Variants in CNTNAP2 observed in about 807,000 individuals in gnomAD.
The protein encoded by CNTNAP2 is contactin associated protein 2.
CNTNAP2 carries 98 observed loss-of-function variants against 155.2 expected under a neutral mutation model. The ratio of observed to expected loss-of-function variants is 0.63; its 90% CI spans 0.54 to 0.75. The LOEUF is 0.75. Among genes scored for constraint, CNTNAP2 ranks in the 30% least tolerant of loss-of-function variants. The pLI is 0.00. For missense variants in CNTNAP2, 1,727 were observed against 1,688.1 expected, an observed-to-expected ratio of 1.02 and a Z score of -0.40; for synonymous variants, 651 against 631.2, an observed-to-expected ratio of 1.03 and a Z score of -0.47.
intron 11 of CNTNAP2, among the ~76,000 whole-genome samples, chr7:147,500,989 TAGC>T (rs1394280240): frequency 6.6e-6 from 1 of 151,824 alleles, no homozygotes; most frequent in Non-Finnish European, 1.5e-5. Context: ...TTCAAGAAAA[TAGC>T]AGCAAACCAA....
intron 20 of CNTNAP2, among the ~76,000 whole-genome samples, chr7:148,254,211 G>C (rs893672859): frequency 4.3e-4 from 66 of 152,178 alleles, no homozygotes; most frequent in African/African-American, 1.3e-3. Flanking sequence ...CAGACGATGT[G>C]ACATCAACGG....
chr7:146,545,358 A>ATGATACAATG, intron 1 of CNTNAP2, among the ~76,000 whole-genome samples: 1 of 151,874 alleles, frequency 6.6e-6, no homozygotes, highest in African/African-American at 2.4e-5. Flanking sequence ...TTTTTTAAAA[A>ATGATACAATG]TACTTTAAAT....
chr7:147,125,955 C>T (rs1801224829), intron 6 of CNTNAP2, among the ~76,000 whole-genome samples: 1 of 152,174 alleles, frequency 6.6e-6, no homozygotes, highest in Non-Finnish European at 1.5e-5. Context: ...CTTGCTCTTC[C>T]TCTATCCCTG....
intron 1 of CNTNAP2, among the ~76,000 whole-genome samples, chr7:146,431,286 T>G (rs1584922252): frequency 6.6e-6 from 1 of 152,122 alleles, no homozygotes; most frequent in South Asian, 2.1e-4. Context: ...CTTTGAAAAT[T>G]TATCATGCAT....
intron 1 of CNTNAP2, among the ~76,000 whole-genome samples, chr7:146,329,512 G>A (rs950963813): frequency 1.3e-5 from 2 of 152,310 alleles, no homozygotes; most frequent in African/African-American, 4.8e-5. Context: ...TCCAGCAGAA[G>A]TCTTGCATAT....
chr7:148,040,613 C>T (rs1802654522), intron 15 of CNTNAP2, among the ~76,000 whole-genome samples: 2 of 152,240 alleles, frequency 1.3e-5, no homozygotes, highest in African/African-American at 4.8e-5. Flanking sequence ...AATAGGTATG[C>T]ATGCAGTGTG....
At chr7:147,823,997 T>C (rs923118749) in intron 13 of CNTNAP2, among the ~76,000 whole-genome samples, 4 of 152,168 alleles carry the variant, frequency 2.6e-5, no homozygotes, top group African/African-American at 9.7e-5. Context: ...CTAGCAGACA[T>C]CAAGGCATTC....
intron 8 of CNTNAP2, among the ~76,000 whole-genome samples, chr7:147,285,412 T>C (rs1479720356): frequency 6.6e-6 from 1 of 151,990 alleles, no homozygotes; most frequent in African/African-American, 2.4e-5. Context: ...TTTTGAAATA[T>C]TTCAAAGAAT....
intron 1 of CNTNAP2, among the ~76,000 whole-genome samples, chr7:146,163,585 C>CTATCTATCTA (rs1354076042): frequency 2.2e-5 from 2 of 91,224 alleles, no homozygotes; most frequent in Admixed American, 2.1e-4. Context: ...ATCTATCTAT[C>CTATCTATCTA]TATATATATA....
Position 147,526,450 on chromosome 7 carries a change from G to A in CNTNAP2, c.1778-35688G>A, listed in dbSNP as rs1236844813. 9.9e-5 allele frequency among the ~76,000 whole-genome samples: 15 copies of A among 152,182 alleles called. No individual in the cohort carries two copies. The East Asian group carries it at 2.5e-3, about 25-fold the overall frequency. ...TGTCTGGAATATAGATATCAAGCTC[G>A]AGGTAAAGTTTTACTCGTGAGGATT... On this transcript the variant is annotated intron_variant, in intron 11 of 23. Transcript: ENST00000361727.
chr7:147,884,868 A>T (rs978050045), intron 13 of CNTNAP2, among the ~76,000 whole-genome samples: 2 of 151,946 alleles, frequency 1.3e-5, no homozygotes, highest in Non-Finnish European at 2.9e-5. Context: ...CGGGTAATGG[A>T]TGAATAATGT....
intron 1 of CNTNAP2, among the ~76,000 whole-genome samples, chr7:146,500,952 T>A (rs1584953222): frequency 6.6e-6 from 1 of 152,218 alleles, no homozygotes; most frequent in Non-Finnish European, 1.5e-5. Context: ...TTTGCCAAAA[T>A]TTTTTTCAAT....
chr7:146,491,619 C>T (rs147782050), intron 1 of CNTNAP2, among the ~76,000 whole-genome samples: 2 of 152,108 alleles, frequency 1.3e-5, no homozygotes, highest in East Asian at 1.9e-4. Flanking sequence ...AATTGGAGAG[C>T]GTTTTTAGAG....
chr7:148,072,417 A>T (rs990693347), intron 15 of CNTNAP2, among the ~76,000 whole-genome samples: 10 of 110,624 alleles, frequency 9.0e-5, no homozygotes, highest in Non-Finnish European at 1.7e-4. Flanking sequence ...AGGTATGTTT[A>T]AAAAAAAATG....
intron 1 of CNTNAP2, among the ~76,000 whole-genome samples, chr7:146,750,937 G>T (rs1047810453): frequency 6.6e-6 from 1 of 152,064 alleles, no homozygotes; most frequent in African/African-American, 2.4e-5. Flanking sequence ...ATTAACAGGC[G>T]ATATGATTCA....
chr7:146,472,728 T>C (rs1379976061), intron 1 of CNTNAP2, among the ~76,000 whole-genome samples: 1 of 152,034 alleles, frequency 6.6e-6, no homozygotes, highest in Non-Finnish European at 1.5e-5. Flanking sequence ...GATTTGAATA[T>C]ATTTTCCTTT....
chr7:147,581,417 G>C (rs992321465), intron 12 of CNTNAP2, among the ~76,000 whole-genome samples: 2 of 152,126 alleles, frequency 1.3e-5, no homozygotes, highest in Non-Finnish European at 2.9e-5. Flanking sequence ...GATATACATG[G>C]AACCATGCTG....
intron 1 of CNTNAP2, among the ~76,000 whole-genome samples, chr7:146,285,202 C>T (rs1365623688): frequency 6.6e-6 from 1 of 151,792 alleles, no homozygotes; most frequent in Non-Finnish European, 1.5e-5. Context: ...TGCAATTGAC[C>T]CTGTCGATAT....
At chr7:148,342,018 C>A (rs1187725920) in intron 21 of CNTNAP2, among the ~76,000 whole-genome samples, 1 of 152,184 alleles carries the variant, frequency 6.6e-6, no homozygotes, top group African/African-American at 2.4e-5. Flanking sequence ...GCTTAGCCAA[C>A]GCATCTGAAA....
Sources: allele counts gnomAD v4.1 joint callset (sites outside exome capture counted in the v4.1 genomes callset), GRCh38; gene constraint gnomAD v4.1.1; transcripts MANE v1.5; gene names NCBI Gene and HGNC (gene_info 2026-07-23, HGNC 2026-07-21).